Variants in UNC13C observed in about 807,000 individuals in gnomAD.
UNC13C encodes the protein protein unc-13 homolog C.
A neutral mutation model predicts 245.4 loss-of-function variants in UNC13C; 174 were observed. The observed-to-expected ratio is 0.71, with a 90% CI of 0.63 to 0.80. The LOEUF is 0.80. Ranked by LOEUF, UNC13C falls within the 30% of genes least tolerant of loss-of-function variation. UNC13C has a pLI of 0.00. For missense variants in UNC13C, 2,829 were observed against 2,602.9 expected, an observed-to-expected ratio of 1.09 and a Z score of -1.89; for synonymous variants, 992 against 895.1, an observed-to-expected ratio of 1.11 and a Z score of -1.93.
intron 19 of UNC13C, among the ~76,000 whole-genome samples, chr15:54,465,456 G>A (rs1419637912): frequency 6.6e-6 from 1 of 151,914 alleles, no homozygotes; most frequent in African/African-American, 2.4e-5. Context: ...TATGGGGAAG[G>A]GTTAATAAGA....
intron 13 of UNC13C, among the ~76,000 whole-genome samples, chr15:54,308,164 T>C (rs2037775083): frequency 6.6e-6 from 1 of 151,956 alleles, no homozygotes; most frequent in African/African-American, 2.4e-5. Context: ...TTCCGTATGA[T>C]TTCGGACACC....
At chr15:54,507,698 AC>A (rs1290523364) in intron 23 of UNC13C, among the ~76,000 whole-genome samples, 1 of 152,078 alleles carries the variant, frequency 6.6e-6, no homozygotes, top group Non-Finnish European at 1.5e-5. Context: ...TAGTATTGCA[AC>A]TTAATCAAAG....
the UNC13C span, among the ~76,000 whole-genome samples, chr15:53,884,291 T>G: frequency 6.6e-6 from 1 of 152,050 alleles, no homozygotes; most frequent in East Asian, 1.9e-4. Flanking sequence ...CAGGCAATTT[T>G]CTCAGTAATT....
chr15:54,305,347 T>C (rs771508058), intron 13 of UNC13C, among the ~76,000 whole-genome samples: 28 of 152,224 alleles, frequency 1.8e-4, no homozygotes, highest in Middle Eastern at 3.4e-3. Flanking sequence ...TGATCGTTTT[T>C]AAAAATTTGA....
chr15:54,421,562 G>A (rs551065349), intron 19 of UNC13C, among the ~76,000 whole-genome samples: 1 of 152,082 alleles, frequency 6.6e-6, no homozygotes, highest in South Asian at 2.1e-4. Context: ...TGGGAATAGG[G>A]CCCAGCAATT....
the UNC13C span, among the ~76,000 whole-genome samples, chr15:53,902,571 T>C: frequency 6.6e-6 from 1 of 152,212 alleles, no homozygotes; most frequent in Non-Finnish European, 1.5e-5. Context: ...CTATAAAATA[T>C]TGAGACTAGC....
At chr15:53,984,955 C>T (rs984740119) in intron 1 of UNC13C, among the ~76,000 whole-genome samples, 3 of 151,872 alleles carry the variant, frequency 2.0e-5, no homozygotes, top group South Asian at 2.1e-4. Flanking sequence ...CAAATCTTAG[C>T]GACTTTCTTT....
At chr15:53,924,526 A>C in the UNC13C span, among the ~76,000 whole-genome samples, 2 of 152,316 alleles carry the variant, frequency 1.3e-5, no homozygotes, top group Non-Finnish European at 2.9e-5. Context: ...TTAAGGAAAT[A>C]GTGAGAGGGT....
intron 17 of UNC13C, 122 bp downstream of exon 17, chr15:54,338,611 G>A: frequency 2.7e-6 from 3 of 1,095,382 alleles, no homozygotes; most frequent in Non-Finnish European, 2.6e-6. Context: ...CTGCAAATTT[G>A]AGAATTTCCA....
At chr15:54,133,967 TATA>T (rs1217317759) in intron 2 of UNC13C, among the ~76,000 whole-genome samples, 1 of 152,128 alleles carries the variant, frequency 6.6e-6, no homozygotes, top group Non-Finnish European at 1.5e-5. Flanking sequence ...GGTGTTAAAA[TATA>T]ATGATTTGAT....
rs766304161 is a variant in UNC13C, at chr15:54,014,150, G to A, written c.1247G>A (p.Arg416Lys). The change falls in exon 2 of 33, where the codon AGA (arginine) becomes AAA (lysine). Residue 416 changes from arginine (R) to lysine (K), a missense_variant. Arg to Lys is a conservative substitution (Grantham distance 26). Transcript: ENST00000260323. ...ATTCTAACTCATGACATCAGAGAAA[G>A]AAAAGAGAAAGGGATACCATCCTCC... ...TDILTHDIRE[R>K]KEKGIPSSQT... is the part of the protein sequence containing the mutation. The A allele has an allele frequency of 3.7e-6, 6 of 1,613,670 alleles. No homozygotes were observed. The highest frequency in any genetic ancestry group is 1.3e-5 in the African/African-American group (1 of 74,904).
In UNC13C at chr15:54,304,303, G is replaced by A. The variant is rs749133517; in HGVS notation, c.4268+3930G>A. Among the ~76,000 whole-genome samples the A allele has an allele frequency of 1.8e-4, 28 of 152,074 alleles. 1 individual carries two copies. Among genetic ancestry groups the A allele is most frequent in the Admixed American group, 1.2e-3 (18 of 15,260 alleles). Reference sequence around the variant, plus strand: ...TGAAAACAAGGCAGATAGAAATAAAGCAAAAGAATGCCTTAGGTTTTGTGA... The same window carrying A: ...TGAAAACAAGGCAGATAGAAATAAAACAAAAGAATGCCTTAGGTTTTGTGA... On this transcript the variant is annotated intron_variant, in intron 13 of 32. Coordinates refer to ENST00000260323, the MANE Select transcript of UNC13C (RefSeq NM_001080534.3).
At chr15:54,338,315 A>G in intron 16 of UNC13C, 46 bp from the exon 17 acceptor site, 5 of 1,587,274 alleles carry the variant, frequency 3.2e-6, no homozygotes, top group Non-Finnish European at 4.3e-6. Flanking sequence ...CTAGATTACA[A>G]TGTGTCACTG....
At chr15:53,945,311 C>A in the UNC13C span, among the ~76,000 whole-genome samples, 1 of 152,168 alleles carries the variant, frequency 6.6e-6, no homozygotes, top group African/African-American at 2.4e-5. Context: ...ATCATGGAAT[C>A]TTTGCCAGTT....
At chr15:53,888,269 CATT>C in the UNC13C span, among the ~76,000 whole-genome samples, 1 of 152,162 alleles carries the variant, frequency 6.6e-6, no homozygotes, top group Non-Finnish European at 1.5e-5. Flanking sequence ...GATGGTATCT[CATT>C]GTTGTTTTGA....
intron 19 of UNC13C, among the ~76,000 whole-genome samples, chr15:54,439,071 A>G (rs1034279822): frequency 3.3e-5 from 5 of 151,928 alleles, no homozygotes; most frequent in Non-Finnish European, 7.4e-5. Flanking sequence ...TTATCTTCCC[A>G]TAGAATCCTT....
chr15:54,331,803 C>T (rs1374068590), intron 14 of UNC13C, among the ~76,000 whole-genome samples: 1 of 152,046 alleles, frequency 6.6e-6, no homozygotes, highest in Non-Finnish European at 1.5e-5. Flanking sequence ...AGAACAGTTA[C>T]ACATTTCTCA....
intron 17 of UNC13C, among the ~76,000 whole-genome samples, chr15:54,367,715 G>T (rs565777557): frequency 1.2e-4 from 19 of 152,096 alleles, no homozygotes; most frequent in African/African-American, 3.9e-4. Flanking sequence ...ATAGCATCTA[G>T]TCTCAGTTAA....
intron 16 of UNC13C, among the ~76,000 whole-genome samples, chr15:54,335,786 A>G (rs2038558632): frequency 6.6e-6 from 1 of 152,154 alleles, no homozygotes; most frequent in Admixed American, 6.6e-5. Context: ...TGAGTTATTT[A>G]CAATTTTGGT....
Sources: allele counts gnomAD v4.1 joint callset (sites outside exome capture counted in the v4.1 genomes callset), GRCh38; gene constraint gnomAD v4.1.1; transcripts MANE v1.5; gene names NCBI Gene and HGNC (gene_info 2026-07-23, HGNC 2026-07-21).